Variants in ACTL8 observed in about 807,000 individuals in gnomAD.
ACTL8 encodes the protein actin-like protein 8.
In ACTL8, 3 loss-of-function variants were observed where a neutral mutation model predicts 9.3. That is an observed-to-expected ratio of 0.32 (90% CI 0.15 to 0.83). The LOEUF is 0.83. Ranked by LOEUF, ACTL8 falls within the 40% of genes least tolerant of loss-of-function variation. The pLI, the probability that ACTL8 is intolerant of heterozygous loss-of-function variation, is 0.57. For synonymous variants in ACTL8, 224 were observed against 205.9 expected (o/e 1.09, Z -0.75); for missense variants, 381 against 492.2 (o/e 0.77, Z 2.14).
rs2124198914 is a variant in ACTL8 at position 17,826,252 on chromosome 1, A to T, written c.834A>T (p.Glu278Asp). ...CCAGCATCCCACGGGCCATTGTGGA[A>T]TCCGTGGAGTCCTGCGAGATCTCCC... ...PGPSIPRAIV[E>D]SVESCEISLR... is the part of the protein sequence containing the mutation. The change falls in exon 3 of 3, where the codon GAA becomes GAT. Residue 278 changes from glutamate to aspartate, a missense_variant. Physicochemically the swap from Glu to Asp is conservative, Grantham distance 45. Around this residue, in one of 3 missense-constraint regions of ACTL8, gnomAD observed 243 missense variants for 276.2 expected, o/e 0.88. Coordinates refer to ENST00000375406, the MANE Select transcript of ACTL8 (RefSeq NM_030812.3). The surrounding 1 kb of genome is among the most constrained non-coding windows in gnomAD (Gnocchi z 4.5). 1 of 1,613,104 alleles carries T rather than the reference A, an allele frequency of 6.2e-7. No homozygotes were observed. Among genetic ancestry groups the T allele is most frequent in the Non-Finnish European group, 8.5e-7 (1 of 1,179,528 alleles).
chr1:17,762,559 C>G (rs1269942846), intron 1 of ACTL8, among the ~76,000 whole-genome samples: 2 of 152,182 alleles, frequency 1.3e-5, no homozygotes, highest in African/African-American at 4.8e-5. Flanking sequence ...CCGTGGGTCC[C>G]TTTCTCTCGG....
At chr1:17,799,455 T>C (rs1367199471) in intron 1 of ACTL8, among the ~76,000 whole-genome samples, 1 of 150,638 alleles carries the variant, frequency 6.6e-6, no homozygotes, top group Non-Finnish European at 1.5e-5. Context: ...TCCTCATCTT[T>C]TTGTCTTTTT....
chr1:17,776,523 C>T (rs537763468), intron 1 of ACTL8, among the ~76,000 whole-genome samples: 9 of 152,242 alleles, frequency 5.9e-5, no homozygotes, highest in South Asian at 2.1e-4. Context: ...GGAGCTTGGA[C>T]GGCTGCTTCC....
At chr1:17,763,719 G>A (rs1454087793) in intron 1 of ACTL8, among the ~76,000 whole-genome samples, 2 of 152,218 alleles carry the variant, frequency 1.3e-5, no homozygotes, top group Non-Finnish European at 2.9e-5. Context: ...GCAGGGGAAG[G>A]CTTATGGCAA....
At chr1:17,818,493 T>G (rs1570045274) in intron 1 of ACTL8, among the ~76,000 whole-genome samples, 1 of 152,220 alleles carries the variant, frequency 6.6e-6, no homozygotes, top group Non-Finnish European at 1.5e-5. Flanking sequence ...TGCAAGGCCC[T>G]TCTCAGATCT....
At chr1:17,769,097 T>G (rs2066065580) in intron 1 of ACTL8, among the ~76,000 whole-genome samples, 1 of 152,152 alleles carries the variant, frequency 6.6e-6, no homozygotes, top group African/African-American at 2.4e-5. Flanking sequence ...AGGTCCTGCT[T>G]CTTGCTACGT....
intron 1 of ACTL8, among the ~76,000 whole-genome samples, chr1:17,802,569 A>AGGCTGCCTGATTCGAGTCATATCCCC (rs2102693566): frequency 6.6e-6 from 1 of 152,290 alleles, no homozygotes; most frequent in African/African-American, 2.4e-5. Flanking sequence ...GTGTGACCTC[A>AGGCTGCCTGATTCGAGTCATATCCCC]GGCTGCCTGA....
chr1:17,801,627 A>G (rs1557441048), intron 1 of ACTL8, among the ~76,000 whole-genome samples: 1 of 152,228 alleles, frequency 6.6e-6, no homozygotes, highest in Non-Finnish European at 1.5e-5. Flanking sequence ...GATATAAAAG[A>G]TTAAAAATAA....
chr1:17,797,160 C>T (rs12405819), intron 1 of ACTL8, among the ~76,000 whole-genome samples: 32,565 of 151,842 alleles, frequency 0.21, 4,315 homozygotes, highest in Admixed American at 0.38. Context: ...AAATCCCTCC[C>T]GCCTCTCTGT....
chr1:17,772,228 C>T (rs539456304), intron 1 of ACTL8, among the ~76,000 whole-genome samples: 3 of 152,212 alleles, frequency 2.0e-5, no homozygotes, highest in Non-Finnish European at 4.4e-5. Flanking sequence ...TGCATTGGAA[C>T]AAATACGCAT....
intron 1 of ACTL8, among the ~76,000 whole-genome samples, chr1:17,760,026 A>C (rs1414953792): frequency 6.6e-6 from 1 of 152,156 alleles, no homozygotes; most frequent in Admixed American, 6.5e-5. Flanking sequence ...CATTGTGCAT[A>C]CTGGCCACAG....
rs1016168959 is a variant in ACTL8, at chr1:17,769,123, A to G, written c.-25+13619A>G. 1.2e-4 allele frequency among the ~76,000 whole-genome samples: 18 copies of G among 152,294 alleles called. No individual in the cohort carries two copies. The East Asian group carries it at 3.1e-3, about 26-fold the overall frequency. ...CTTGCTACGTCGCCCAGGCCTGGCC[A>G]ATATTCTCCACTGGTCTGTGTTGCA... On this transcript the variant is annotated intron_variant, in intron 1 of 2. Transcript: ENST00000375406.
rs72927124 is a variant in ACTL8, at chr1:17,765,742, T to G, written c.-25+10238T>G. On this transcript the variant is annotated intron_variant, in intron 1 of 2. Transcript: ENST00000375406. ...TCCACTCCCCGGAATGTGAGGTCTC[T>G]CAGGACAATGTCTGGCCCCTTGCAG... Among the ~76,000 whole-genome samples the G allele has an allele frequency of 4.1e-3, 618 of 152,360 alleles. 3 individuals are homozygous for G. The highest frequency in any genetic ancestry group is 0.014 in the African/African-American group (591 of 41,594).
rs762541203 is a variant in ACTL8, at chr1:17,825,793, A to G, written c.375A>G (p.Pro125=). Residue 125 remains proline (P), a synonymous_variant, in exon 3 of 3, where the codon CCA becomes CCG. Coordinates refer to ENST00000375406, the MANE Select transcript of ACTL8 (RefSeq NM_030812.3). ...LEILFELLHV[P]SVLLADQLQM... is the part of the protein sequence containing the mutation. The stretch of plus-strand genomic sequence containing the variant: ...TCCTGTTTGAGTTGCTGCATGTCCC[A>G]TCGGTCCTCCTGGCCGACCAGCTGC... 3 of 1,613,730 alleles carry G rather than the reference A, an allele frequency of 1.9e-6. No homozygotes were observed. The South Asian group carries it at 3.3e-5, about 18-fold the overall frequency.
In ACTL8 at chr1:17,766,377, G is replaced by GT. The variant is rs141827507; in HGVS notation, c.-25+10874dup. On this transcript the variant is annotated intron_variant, in intron 1 of 2. Coordinates refer to ENST00000375406, the MANE Select transcript of ACTL8 (RefSeq NM_030812.3). ...TGTGCATTCCTTGAAATTGTACAGC[G>GT]TATGAGTGGCAGAGCCTGGCTCAAA... Among the ~76,000 whole-genome samples the GT allele has an allele frequency of 6.3e-3, 966 of 152,228 alleles. 25 individuals carry two copies. The East Asian group carries it at 0.098, about 15-fold the overall frequency.
intron 1 of ACTL8, among the ~76,000 whole-genome samples, chr1:17,812,867 G>C (rs2066402472): frequency 6.6e-6 from 1 of 152,198 alleles, no homozygotes; most frequent in Admixed American, 6.5e-5. Context: ...TGTTTTGTTA[G>C]ATTTATACCA....
At chr1:17,791,749 G>A (rs1238003192) in intron 1 of ACTL8, among the ~76,000 whole-genome samples, 1 of 152,212 alleles carries the variant, frequency 6.6e-6, no homozygotes, top group African/African-American at 2.4e-5. Flanking sequence ...TTTTATGCAT[G>A]GTGCCTAATT....
intron 1 of ACTL8, among the ~76,000 whole-genome samples, chr1:17,791,660 G>A (rs552691056): frequency 2.6e-5 from 4 of 152,318 alleles, no homozygotes; most frequent in East Asian, 3.9e-4. Context: ...AGATCAAGCC[G>A]CCCTGCGAGT....
intron 2 of ACTL8, among the ~76,000 whole-genome samples, chr1:17,824,272 T>A (rs2053693089): frequency 6.6e-6 from 1 of 152,156 alleles, no homozygotes; most frequent in Non-Finnish European, 1.5e-5. Context: ...AAATAAAGTT[T>A]TATTGGAACA....
Sources: gnomAD v4.1 joint callset for allele counts (sites outside exome capture counted in the v4.1 genomes callset) on GRCh38, gnomAD v4.1.1 for gene constraint, gnomAD v4.1.1 regional missense constraint, Gnocchi (gnomAD v3.1) non-coding constraint, MANE v1.5 for transcripts, NCBI Gene and HGNC (gene_info 2026-07-23, HGNC 2026-07-21) for gene names.